Variants in ADCK1 observed in about 807,000 individuals in gnomAD.
ADCK1 encodes aarF domain-containing protein kinase 1.
A neutral mutation model predicts 52.3 loss-of-function variants in ADCK1; 41 were observed. That is an observed-to-expected ratio of 0.78 (90% confidence interval 0.61 to 1.02). The LOEUF (loss-of-function observed/expected upper bound fraction) is 1.02. Among genes scored for constraint, ADCK1 ranks in the 50% least tolerant of loss-of-function variants. ADCK1 has a pLI of 0.00. For missense variants in ADCK1, 658 were observed against 679.5 expected (o/e 0.97, Z 0.35); for synonymous variants, 250 against 274.6 (o/e 0.91, Z 0.89).
At chr14:77,832,908 A>G (rs2081887608) in intron 3 of ADCK1, among the ~76,000 whole-genome samples, 1 of 152,210 alleles carries the variant, frequency 6.6e-6, no homozygotes, top group African/African-American at 2.4e-5. Context: ...GTCTGGCCAA[A>G]CCAGGACATT....
chr14:77,922,564 T>C (rs533237380), intron 7 of ADCK1, among the ~76,000 whole-genome samples: 76 of 152,346 alleles, frequency 5.0e-4, no homozygotes, highest in African/African-American at 1.8e-3. Flanking sequence ...GGGACTATTA[T>C]TATTTCCATT....
chr14:77,878,190 A>C lies in ADCK1; in HGVS notation c.424-8901A>C, dbSNP rs370800800. On this transcript the variant is annotated intron_variant, in intron 4 of 10. Transcript: ENST00000238561. ...TGTACCCACTTTGGATTTACTCCTC[A>C]AATGCCCAGTGATTAACATCGTGCC... Among the ~76,000 whole-genome samples, 31 of 152,268 alleles carry C rather than the reference A, an allele frequency of 2.0e-4. 1 individual carries two copies. Among genetic ancestry groups the C allele is most frequent in the African/African-American group, 7.2e-4 (30 of 41,482 alleles).
intron 7 of ADCK1, among the ~76,000 whole-genome samples, chr14:77,919,306 A>G (rs2083995549): frequency 6.6e-6 from 1 of 152,214 alleles, no homozygotes; most frequent in Admixed American, 6.5e-5. Context: ...GTCCTCATAG[A>G]TTAGCTACCA....
At position 77,903,655 on chromosome 14, in the gene ADCK1, G is replaced by A. The variant is rs374446771; in HGVS notation, c.742-4148G>A. ...GCAGGGGAGAAGCTTTATAACCACA[G>A]GGTTTGGGACTGGAAGTGATGAGAC... On this transcript the variant is annotated intron_variant, in intron 6 of 10. Coordinates refer to ENST00000238561, the MANE Select transcript of ADCK1 (RefSeq NM_020421.4). Among the ~76,000 whole-genome samples the A allele has an allele frequency of 2.6e-5, 4 of 152,196 alleles. 1 individual carries two copies. In the South Asian group the frequency reaches 8.3e-4, roughly 32 times the overall value.
intron 5 of ADCK1, among the ~76,000 whole-genome samples, chr14:77,894,733 C>CTTTTTTTTTTTT (rs1566710773): frequency 2.6e-5 from 1 of 38,402 alleles, no homozygotes; most frequent in Non-Finnish European, 6.0e-5. Flanking sequence ...CTTTTCTTTT[C>CTTTTTTTTTTTT]TTGTTTTTTT....
At chr14:77,914,576 AG>A in intron 7 of ADCK1, 1 of 985,258 alleles carries the variant, frequency 1.0e-6, no homozygotes, top group Non-Finnish European at 1.2e-6. Context: ...GGCTTTATAG[AG>A]GTTGGGTCCT....
At chr14:77,835,736 A>T (rs901628789) in intron 3 of ADCK1, among the ~76,000 whole-genome samples, 1 of 152,138 alleles carries the variant, frequency 6.6e-6, no homozygotes, top group African/African-American at 2.4e-5. Context: ...CTTGAGCTCA[A>T]TTGATCCTCC....
At chr14:77,852,903 ATATATTTTTTTTTTTTTT>A (rs1382813742) in intron 3 of ADCK1, among the ~76,000 whole-genome samples, 5 of 29,440 alleles carry the variant, frequency 1.7e-4, no homozygotes, top group Non-Finnish European at 3.1e-4. Flanking sequence ...ATATATATAT[ATATATTTTTTTTTTTTTT>A]TTTTTTTTTT....
chr14:77,852,908 T>TATA (rs56338375), intron 3 of ADCK1, among the ~76,000 whole-genome samples: 36 of 23,518 alleles, frequency 1.5e-3, no homozygotes, highest in Admixed American at 2.8e-3. Context: ...TATATATATA[T>TATA]TTTTTTTTTT....
At chr14:77,805,064 G>A (rs2081190831) in intron 1 of ADCK1, among the ~76,000 whole-genome samples, 1 of 151,626 alleles carries the variant, frequency 6.6e-6, no homozygotes, top group South Asian at 2.1e-4. Flanking sequence ...AAATTAGCCG[G>A]ACGTGGTGGC....
At chr14:77,830,046 C>T (rs1048499405) in intron 3 of ADCK1, among the ~76,000 whole-genome samples, 13 of 151,250 alleles carry the variant, frequency 8.6e-5, no homozygotes, top group African/African-American at 2.9e-4. Flanking sequence ...AGGTTTTAAG[C>T]CATAGACAAT....
rs561633979 is a variant in ADCK1 at position 77,830,602 on chromosome 14, AT to A, written c.219+8095del. Among the ~76,000 whole-genome samples, 80 of 147,154 alleles carry A rather than the reference AT, an allele frequency of 5.4e-4. 1 individual carries two copies. Among genetic ancestry groups the A allele is most frequent in the African/African-American group, 1.2e-3 (48 of 40,586 alleles). ...GCTACTGTACCCAACCAGTTATTGA[AT>A]TTTTTTTTTTAACACCAGTGCCACT... On this transcript the variant is annotated intron_variant, in intron 3 of 10. Coordinates refer to ENST00000238561, the MANE Select transcript of ADCK1 (RefSeq NM_020421.4).
chr14:77,881,360 C>T (rs1427037281), intron 4 of ADCK1, among the ~76,000 whole-genome samples: 2 of 152,138 alleles, frequency 1.3e-5, no homozygotes, highest in East Asian at 1.9e-4. Flanking sequence ...AATCCAAGGG[C>T]GAGTGAGAGA....
rs559844873 is a variant in ADCK1 at position 77,894,023 on chromosome 14, G to A, written c.583-5077G>A. ...GCTGGGATTACAGGCGTGAGCCACC[G>A]CGTCCAGCCTCATCTTGTTTCTTTA... On this transcript the variant is annotated intron_variant, in intron 5 of 10. Transcript: ENST00000238561. 1.2e-4 allele frequency among the ~76,000 whole-genome samples: 18 copies of A among 152,222 alleles called. No individual in the cohort carries two copies. The South Asian group carries it at 3.5e-3, about 30-fold the overall frequency.
chr14:77,837,605 C>T (rs936328457), intron 3 of ADCK1, among the ~76,000 whole-genome samples: 1 of 152,218 alleles, frequency 6.6e-6, no homozygotes, highest in Non-Finnish European at 1.5e-5. Flanking sequence ...CAGGCTGTGC[C>T]TGTAACCACT....
intron 5 of ADCK1, among the ~76,000 whole-genome samples, chr14:77,897,882 A>G (rs954694124): frequency 6.6e-6 from 1 of 152,196 alleles, no homozygotes; most frequent in Non-Finnish European, 1.5e-5. Context: ...GTTTCAGAGC[A>G]AGGGCTGTAG....
At chr14:77,822,337 A>G in intron 2 of ADCK1, 98 bp from the exon 3 acceptor site, 3 of 946,018 alleles carry the variant, frequency 3.2e-6, no homozygotes, top group Non-Finnish European at 5.2e-6. Flanking sequence ...TCCCCCAGAC[A>G]TAGCAGCTGT....
At chr14:77,863,670 C>G (rs188530526) in intron 4 of ADCK1, among the ~76,000 whole-genome samples, 42 of 152,158 alleles carry the variant, frequency 2.8e-4, no homozygotes, top group Admixed American at 1.2e-3. Context: ...AACCCTGTCT[C>G]TACTAAAAAT....
At chr14:77,850,993 CA>C (rs2082273298) in intron 3 of ADCK1, among the ~76,000 whole-genome samples, 1 of 151,786 alleles carries the variant, frequency 6.6e-6, no homozygotes, top group African/African-American at 2.4e-5. Flanking sequence ...TGGGTTGGTG[CA>C]AAAGTAATCA....
Sources: allele counts gnomAD v4.1 joint callset (sites outside exome capture counted in the v4.1 genomes callset), GRCh38; gene constraint gnomAD v4.1.1; transcripts MANE v1.5; gene names NCBI Gene and HGNC (gene_info 2026-07-23, HGNC 2026-07-21).